TBC1D1: variants seen among roughly 807,000 people sequenced by gnomAD.
TBC1D1 encodes TBC1 domain family member 1.
TBC1D1 carries 89 observed loss-of-function variants against 125.6 expected under a neutral mutation model. The ratio of observed to expected loss-of-function variants is 0.71; its 90% CI spans 0.60 to 0.85. The LOEUF (loss-of-function observed/expected upper bound fraction) is 0.85, where lower values mean the gene tolerates loss of function less well. TBC1D1 is among the 40% of genes least tolerant of loss of function. The pLI is 0.00. For missense variants in TBC1D1, 1,377 were observed against 1,469.2 expected, an observed-to-expected ratio of 0.94 and a Z score of 1.03; for synonymous variants, 565 against 564.1, an observed-to-expected ratio of 1.00 and a Z score of -0.02.
At chr4:38,054,466 A>G (rs1751312760) in intron 12 of TBC1D1, 128 bp downstream of exon 14, 45 of 1,219,604 alleles carry the variant, frequency 3.7e-5, no homozygotes, top group Non-Finnish European at 5.0e-5. Context: ...GGCAATCACA[A>G]AGGTAACTAG....
chr4:38,028,018 G>A, intron 7 of TBC1D1, 139 bp downstream of exon 7: 3 of 540,410 alleles, frequency 5.6e-6, no homozygotes, highest in South Asian at 3.4e-5. Flanking sequence ...TTTCAGGGGT[G>A]ACCAATCTTT....
intron 4 of TBC1D1, 133 bp from the exon 5 acceptor site, chr4:38,020,458 A>G: frequency 1.5e-6 from 1 of 661,046 alleles, no homozygotes; most frequent in African/African-American, 1.8e-5. Flanking sequence ...AGCCTGGGCA[A>G]CAAGAGTAAA....
intron 7 of TBC1D1, among the ~76,000 whole-genome samples, chr4:38,034,353 A>T (rs1746794946): frequency 6.6e-6 from 1 of 152,230 alleles, no homozygotes; most frequent in Non-Finnish European, 1.5e-5. Flanking sequence ...TAGCCTCCAA[A>T]ATATTTAATA....
Position 38,014,901 on chromosome 4 carries a change from G to A in TBC1D1, c.810G>A (p.Glu270=). The change falls in exon 3 of 20, where the codon GAG becomes GAA. Residue 270 remains glutamate, a synonymous_variant. Transcript: ENST00000261439. The surrounding 1 kb of genome is among the most constrained non-coding windows in gnomAD (Gnocchi z 5.1). Reference sequence around the variant, plus strand: ...GCTCCTTCGAGGAGAGCGACATTGAGAACCACCTCATTAGCGGACACAATA... The same window carrying A: ...GCTCCTTCGAGGAGAGCGACATTGAAAACCACCTCATTAGCGGACACAATA... The A allele has an allele frequency of 2.5e-6, 4 of 1,601,576 alleles. No individual in the cohort carries two copies. Among genetic ancestry groups the A allele is most frequent in the Non-Finnish European group, 3.4e-6 (4 of 1,170,878 alleles).
Position 38,115,671 on chromosome 4 carries a change from T to A in TBC1D1, c.2558-39T>A, listed in dbSNP as rs77655358. ...TCTGGTTCAATAGGCTTTCTTTTTT[T>A]GTTTTTATTATTACAACTAATATGT... On this transcript the variant is annotated intron_variant, in intron 15 of 19. Coordinates refer to ENST00000261439, the MANE Select transcript of TBC1D1 (RefSeq NM_015173.4). 21,462 of 1,571,322 alleles carry A rather than the reference T, an allele frequency of 0.014. 168 individuals are homozygous for A. The highest frequency in any genetic ancestry group is 0.017 in the Non-Finnish European group (19,964 of 1,161,262).
At chr4:38,006,110 GGTT>G (rs1053648049) in intron 2 of TBC1D1, among the ~76,000 whole-genome samples, 3 of 151,972 alleles carry the variant, frequency 2.0e-5, no homozygotes. Context: ...GTTTGGCTGT[GGTT>G]GTTAAAAATT....
At chr4:37,906,226 C>A (rs1385837438) in intron 2 of TBC1D1, among the ~76,000 whole-genome samples, 1 of 152,064 alleles carries the variant, frequency 6.6e-6, no homozygotes, top group Non-Finnish European at 1.5e-5. Flanking sequence ...CGGCTCACTG[C>A]AACCTCTGCC....
intron 2 of TBC1D1, among the ~76,000 whole-genome samples, chr4:37,956,447 C>T (rs1456167514): frequency 6.6e-6 from 1 of 152,178 alleles, no homozygotes; most frequent in African/African-American, 2.4e-5. Flanking sequence ...TGTGTTGCCA[C>T]AGACTAGACA....
chr4:37,939,883 G>A (rs1465054621), intron 2 of TBC1D1, among the ~76,000 whole-genome samples: 2 of 152,086 alleles, frequency 1.3e-5, no homozygotes, highest in Non-Finnish European at 2.9e-5. Flanking sequence ...TTGGACTATA[G>A]CTCTGTTTTG....
chr4:37,932,690 A>G (rs1286852966), intron 2 of TBC1D1, among the ~76,000 whole-genome samples: 2 of 152,228 alleles, frequency 1.3e-5, no homozygotes, highest in Non-Finnish European at 2.9e-5. Flanking sequence ...AGCTGGGACT[A>G]GAACCCAGTG....
chr4:38,053,065 T>C (rs1751040622), intron 11 of TBC1D1, 41 bp from the exon 13 acceptor site: 4 of 1,316,618 alleles, frequency 3.0e-6, no homozygotes, highest in Middle Eastern at 1.9e-4. Flanking sequence ...TGTGTTTTTA[T>C]GTTTCTTTAT....
At chr4:37,904,158 C>T (rs965301764) in intron 2 of TBC1D1, among the ~76,000 whole-genome samples, 1 of 152,158 alleles carries the variant, frequency 6.6e-6, no homozygotes, top group Non-Finnish European at 1.5e-5. Flanking sequence ...AATGAGGTAG[C>T]ACTCGACCTG....
At chr4:38,041,184 C>T (rs1748290870) in intron 8 of TBC1D1, among the ~76,000 whole-genome samples, 1 of 152,128 alleles carries the variant, frequency 6.6e-6, no homozygotes, top group Admixed American at 6.5e-5. Flanking sequence ...ATTAGGATTT[C>T]ATTATTCAAA....
chr4:38,095,990 TCTTA>T lies in TBC1D1; in HGVS notation c.2299_2302del (p.Leu767LysfsTer3). 1 of 1,614,068 alleles carries T rather than the reference TCTTA, an allele frequency of 6.2e-7. No individual in the cohort carries two copies. Among genetic ancestry groups the T allele is most frequent in the Non-Finnish European group, 8.5e-7 (1 of 1,179,958 alleles). ...TCGATTATGAAGAAATTACTCCCTGTCTTAAAGAAGTAACTACAGTGTGGGAAAA... is the reference window on the plus strand; with the variant it reads ...TCGATTATGAAGAAATTACTCCCTGTAAGAAGTAACTACAGTGTGGGAAAA... On this transcript the variant is annotated frameshift_variant, in exon 14 of 20. Transcript: ENST00000261439. LOFTEE classifies it high-confidence loss of function.
chr4:37,905,473 GC>G (rs1717117858), intron 2 of TBC1D1, among the ~76,000 whole-genome samples: 1 of 152,134 alleles, frequency 6.6e-6, no homozygotes. Flanking sequence ...GCCAAATTAG[GC>G]CTGTAAGGTG....
chr4:37,956,024 C>T (rs1021043001), intron 2 of TBC1D1, among the ~76,000 whole-genome samples: 2 of 133,132 alleles, frequency 1.5e-5, no homozygotes, highest in African/African-American at 3.0e-5. Flanking sequence ...TAATCTGCTT[C>T]AAATAAACTT....
intron 4 of TBC1D1, among the ~76,000 whole-genome samples, chr4:38,019,676 C>T (rs750709203): frequency 1.7e-4 from 26 of 152,130 alleles, no homozygotes; most frequent in Non-Finnish European, 2.2e-4. Context: ...ATATTTATGG[C>T]AGACGTTTTA....
At chr4:38,101,231 G>C (rs867584036) in intron 14 of TBC1D1, among the ~76,000 whole-genome samples, 1 of 152,230 alleles carries the variant, frequency 6.6e-6, no homozygotes, top group Non-Finnish European at 1.5e-5. Flanking sequence ...TGGACAGGCT[G>C]TCTGAGTGGC....
intron 2 of TBC1D1, among the ~76,000 whole-genome samples, chr4:38,005,659 A>G (rs1483519298): frequency 2.6e-5 from 4 of 152,218 alleles, no homozygotes; most frequent in Non-Finnish European, 5.9e-5. Context: ...CTTTTACCTT[A>G]GAAATGAAGT....
Sources: allele counts gnomAD v4.1 joint callset (sites outside exome capture counted in the v4.1 genomes callset), GRCh38; gene constraint gnomAD v4.1.1; non-coding constraint Gnocchi (gnomAD v3.1); transcripts MANE v1.5; gene names NCBI Gene and HGNC (gene_info 2026-07-23, HGNC 2026-07-21).